STK32B: variants seen among roughly 807,000 people sequenced by gnomAD.
STK32B encodes serine/threonine-protein kinase 32B.
Under a neutral mutation model 52.6 loss-of-function variants are expected in STK32B, and 43 were observed. The observed-to-expected ratio is 0.82, with a 90% confidence interval of 0.64 to 1.05. The LOEUF is 1.05. Among genes scored for constraint, STK32B ranks in the 50% least tolerant of loss-of-function variants. The pLI, the probability that STK32B is intolerant of heterozygous loss-of-function variation, is 0.00. For missense variants in STK32B, 621 were observed against 534.6 expected (o/e 1.16, Z -1.59); for synonymous variants, 238 against 204.3 (o/e 1.17, Z -1.41).
intron 3 of STK32B, among the ~76,000 whole-genome samples, chr4:5,172,170 CTT>C (rs1719433722): frequency 6.6e-6 from 1 of 152,108 alleles, no homozygotes; most frequent in African/African-American, 2.4e-5. Context: ...TATCCTGAGA[CTT>C]TGCTGAAGTT....
chr4:5,267,587 C>T (rs919687940), intron 3 of STK32B, among the ~76,000 whole-genome samples: 3 of 152,100 alleles, frequency 2.0e-5, no homozygotes, highest in Admixed American at 1.3e-4. Context: ...CCCAGGGTCG[C>T]GCAGCAAGTC....
intron 3 of STK32B, among the ~76,000 whole-genome samples, chr4:5,241,766 G>A (rs145767138): frequency 0.017 from 2,557 of 151,914 alleles, 75 homozygotes; most frequent in African/African-American, 0.058. Flanking sequence ...GTGATGTTCC[G>A]CTTCCTGTGT....
rs201002875 is a variant in STK32B at position 5,446,719 on chromosome 4, G to T, written c.609G>T (p.Ser203=). 6.2e-7 allele frequency: 1 copy of T among 1,614,040 alleles called. No homozygotes were observed. Among genetic ancestry groups the T allele is most frequent in the Non-Finnish European group, 8.5e-7 (1 of 1,179,992 alleles). ...ACATGGACAGAGGCCCCGGATACTC[G>T]TACCCTGTCGACTGGTGGTCCCTGG... is the stretch of plus-strand genomic sequence containing the variant. ...QVYMDRGPGY[S]YPVDWWSLGI... Residue 203 remains serine (S), a synonymous_variant, in exon 7 of 12, where the codon TCG becomes TCT. Coordinates refer to ENST00000282908, the MANE Select transcript of STK32B (RefSeq NM_018401.3).
intron 3 of STK32B, among the ~76,000 whole-genome samples, chr4:5,266,926 T>C (rs1266106480): frequency 1.3e-5 from 2 of 152,156 alleles, no homozygotes; most frequent in Non-Finnish European, 2.9e-5. Context: ...TGCTTGAACC[T>C]TGATCATATA....
intron 3 of STK32B, among the ~76,000 whole-genome samples, chr4:5,317,715 G>A (rs371342690): frequency 6.6e-6 from 1 of 150,422 alleles, no homozygotes. Flanking sequence ...TCTTGTTTGG[G>A]AGGCTTCTTG....
Position 5,187,175 on chromosome 4 carries a change from T to C in STK32B, c.260+18725T>C, listed in dbSNP as rs79275051. 2.1e-3 allele frequency among the ~76,000 whole-genome samples: 320 copies of C among 152,322 alleles called. 6 individuals carry two copies. The East Asian group carries it at 0.051, about 24-fold the overall frequency. Reference sequence around the variant, plus strand: ...CCAGGGTCACGTGGAAGAGCCAGGATTCTTCCAGACCTGTGGGCTGTGTGT... The same window carrying C: ...CCAGGGTCACGTGGAAGAGCCAGGACTCTTCCAGACCTGTGGGCTGTGTGT... On this transcript the variant is annotated intron_variant, in intron 3 of 11. Transcript: ENST00000282908.
intron 4 of STK32B, among the ~76,000 whole-genome samples, chr4:5,359,972 G>A (rs1734440325): frequency 6.6e-6 from 1 of 152,204 alleles, no homozygotes; most frequent in Admixed American, 6.5e-5. Flanking sequence ...TTCGATAGAG[G>A]AGCACACTGG....
chr4:5,406,257 C>A (rs1560386534), intron 5 of STK32B, among the ~76,000 whole-genome samples: 1 of 152,222 alleles, frequency 6.6e-6, no homozygotes, highest in Non-Finnish European at 1.5e-5. Flanking sequence ...CCTTGGGCAT[C>A]TCTGCCCGTG....
chr4:5,021,294 C>T, the STK32B span, among the ~76,000 whole-genome samples: 1 of 152,218 alleles, frequency 6.6e-6, no homozygotes. Context: ...GCTGTGCCTT[C>T]CTGTTTTGTA....
chr4:5,194,732 A>G (rs1400632193), intron 3 of STK32B, among the ~76,000 whole-genome samples: 1 of 152,252 alleles, frequency 6.6e-6, no homozygotes, highest in Non-Finnish European at 1.5e-5. Flanking sequence ...CAGGCTGCAC[A>G]GAAACTGTAG....
intron 1 of STK32B, among the ~76,000 whole-genome samples, chr4:5,135,319 A>G (rs529613560): frequency 6.6e-6 from 1 of 150,608 alleles, no homozygotes; most frequent in Non-Finnish European, 1.5e-5. Context: ...GACTTCCCCA[A>G]CATCACCCAG....
At chr4:5,098,109 G>A (rs28417323) in intron 1 of STK32B, among the ~76,000 whole-genome samples, 44,413 of 152,214 alleles carry the variant, frequency 0.29, 7,443 homozygotes, top group Middle Eastern at 0.41. Flanking sequence ...TATTTTATTG[G>A]TCAAATCAGG....
chr4:5,376,891 C>T (rs1036455134), intron 4 of STK32B, among the ~76,000 whole-genome samples: 3 of 152,156 alleles, frequency 2.0e-5, no homozygotes, highest in Non-Finnish European at 4.4e-5. Flanking sequence ...CCACCTCTGC[C>T]ATACCCACCT....
chr4:5,356,606 T>C (rs1734183207), intron 4 of STK32B, among the ~76,000 whole-genome samples: 2 of 152,180 alleles, frequency 1.3e-5, no homozygotes, highest in Admixed American at 1.3e-4. Flanking sequence ...GCTTATTGTG[T>C]ATATGACACA....
At chr4:5,333,624 A>T (rs1409561117) in intron 4 of STK32B, among the ~76,000 whole-genome samples, 5 of 152,276 alleles carry the variant, frequency 3.3e-5, no homozygotes, top group African/African-American at 4.8e-5. Flanking sequence ...GACATTTAAG[A>T]CTTTAATCCT....
rs542070184 is a variant in STK32B at position 5,209,994 on chromosome 4, C to G, written c.260+41544C>G. Reference sequence around the variant, plus strand: ...GTCAAATATGTGAATTTCTAGAGGCCAACTGCCTGATTTGGATGTAACAGC... The same window carrying G: ...GTCAAATATGTGAATTTCTAGAGGCGAACTGCCTGATTTGGATGTAACAGC... On this transcript the variant is annotated intron_variant, in intron 3 of 11. Transcript: ENST00000282908. Among the ~76,000 whole-genome samples the G allele has an allele frequency of 7.2e-5, 11 of 152,234 alleles. No homozygotes were observed. The South Asian group carries it at 1.7e-3, about 23-fold the overall frequency.
At chr4:5,211,897 G>A (rs759988617) in intron 3 of STK32B, among the ~76,000 whole-genome samples, 6 of 152,132 alleles carry the variant, frequency 3.9e-5, no homozygotes, top group Non-Finnish European at 7.4e-5. Flanking sequence ...GGCTTTTATA[G>A]TTCATTTTAT....
intron 4 of STK32B, among the ~76,000 whole-genome samples, chr4:5,348,254 A>T (rs1422635209): frequency 1.3e-5 from 2 of 152,152 alleles, no homozygotes; most frequent in Non-Finnish European, 2.9e-5. Context: ...GACTAACATA[A>T]GGAACTGCAT....
chr4:5,161,583 G>A (rs1054976773), intron 2 of STK32B, among the ~76,000 whole-genome samples: 1 of 152,156 alleles, frequency 6.6e-6, no homozygotes, highest in South Asian at 2.1e-4. Context: ...ACTTTCCCTA[G>A]AAACCTCTAG....
Sources: gnomAD v4.1 joint callset for allele counts (sites outside exome capture counted in the v4.1 genomes callset) on GRCh38, gnomAD v4.1.1 for gene constraint, MANE v1.5 for transcripts, NCBI Gene and HGNC (gene_info 2026-07-23, HGNC 2026-07-21) for gene names.